COG5: variants seen among roughly 807,000 people sequenced by gnomAD.
COG5 encodes the protein conserved oligomeric Golgi complex subunit 5.
In COG5, 86 loss-of-function variants were observed where a neutral mutation model predicts 110.4. That is an observed-to-expected ratio of 0.78 (90% confidence interval 0.65 to 0.93). The LOEUF (loss-of-function observed/expected upper bound fraction) is 0.93, where lower values mean the gene tolerates loss of function less well. Among genes scored for constraint, COG5 ranks in the 40% least tolerant of loss-of-function variants. COG5 has a pLI of 0.00. For missense variants in COG5, 1,077 were observed against 987.0 expected, an observed-to-expected ratio of 1.09 and a Z score of -1.22; for synonymous variants, 360 against 334.6, an observed-to-expected ratio of 1.08 and a Z score of -0.83.
intron 7 of COG5, among the ~76,000 whole-genome samples, chr7:107,404,997 T>G (rs1180266927): frequency 6.6e-6 from 1 of 151,776 alleles, no homozygotes; most frequent in Admixed American, 6.6e-5. Context: ...AAAAAATTTA[T>G]GCTATAAAAA....
intron 17 of COG5, among the ~76,000 whole-genome samples, chr7:107,242,608 T>G (rs1801731273): frequency 6.6e-6 from 1 of 152,204 alleles, no homozygotes; most frequent in Non-Finnish European, 1.5e-5. Flanking sequence ...ACCCCTGGAT[T>G]AATGAAGGAG....
intron 6 of COG5, among the ~76,000 whole-genome samples, chr7:107,479,731 A>C (rs1036765205): frequency 6.6e-6 from 1 of 152,186 alleles, no homozygotes; most frequent in Non-Finnish European, 1.5e-5. Context: ...CGGAAAACTC[A>C]ATGAAGTAAA....
At chr7:107,506,113 T>C (rs187619766) in intron 6 of COG5, among the ~76,000 whole-genome samples, 1 of 152,310 alleles carries the variant, frequency 6.6e-6, no homozygotes, top group East Asian at 1.9e-4. Flanking sequence ...TTGGCCAGGG[T>C]AGTAGAGGCA....
At chr7:107,208,978 T>C (rs1798969868) in intron 21 of COG5, 2 of 977,498 alleles carry the variant, frequency 2.0e-6, no homozygotes, top group Non-Finnish European at 2.4e-6. Flanking sequence ...GAAATCCTGA[T>C]AGCAGGCCTA....
intron 6 of COG5, among the ~76,000 whole-genome samples, chr7:107,424,855 G>T (rs1365915381): frequency 1.3e-5 from 2 of 152,050 alleles, no homozygotes; most frequent in African/African-American, 4.8e-5. Context: ...CTTAATTATG[G>T]ATGCTAGAGG....
In COG5 at chr7:107,388,965, T is replaced by C. The variant is rs954884699; in HGVS notation, c.670-16205A>G. On this transcript the variant is annotated intron_variant, in intron 7 of 21. Coordinates refer to ENST00000297135, the MANE Select transcript of COG5 (RefSeq NM_006348.5). ...GATAACTCAGAAGGCTGAAACGAAT[T>C]CTACTCCAGACACAGACACCATTTA... is the stretch of plus-strand genomic sequence containing the variant. Among the ~76,000 whole-genome samples, 9 of 152,138 alleles carry C rather than the reference T, an allele frequency of 5.9e-5. No individual in the cohort carries two copies. The East Asian group carries it at 1.7e-3, about 29-fold the overall frequency.
intron 6 of COG5, among the ~76,000 whole-genome samples, chr7:107,492,002 A>G (rs1319227725): frequency 5.9e-5 from 9 of 152,160 alleles, no homozygotes; most frequent in Admixed American, 3.3e-4. Flanking sequence ...ATATTTTATA[A>G]GCAATATCCC....
At chr7:107,554,609 CTG>C (rs1803164952) in intron 2 of COG5, among the ~76,000 whole-genome samples, 1 of 152,152 alleles carries the variant, frequency 6.6e-6, no homozygotes, top group Non-Finnish European at 1.5e-5. Context: ...ATACCTTAGA[CTG>C]AGTAATTTAC....
intron 6 of COG5, among the ~76,000 whole-genome samples, chr7:107,506,271 G>T (rs1453982174): frequency 6.6e-6 from 1 of 152,190 alleles, no homozygotes; most frequent in Non-Finnish European, 1.5e-5. Flanking sequence ...GTTAACAGTG[G>T]TATTTGTGTT....
intron 11 of COG5, among the ~76,000 whole-genome samples, chr7:107,301,247 T>C (rs532306141): frequency 1.3e-5 from 2 of 152,248 alleles, no homozygotes; most frequent in East Asian, 1.9e-4. Context: ...GCAAAAGAAA[T>C]TGATAAACTG....
chr7:107,372,610 G>T lies in COG5; in HGVS notation c.820C>A (p.Gln274Lys). Residue 274 changes from glutamine to lysine, a missense_variant, in exon 8 of 22, where the codon CAG becomes AAG. By Grantham distance (53) the Gln-to-Lys change is moderately conservative. Coordinates refer to ENST00000297135, the MANE Select transcript of COG5 (RefSeq NM_006348.5). ...LDIKVLTQPSQSAVRGGPGRS... is the reference protein window; with the variant it reads ...LDIKVLTQPSKSAVRGGPGRS... ...ACATCCATACCTCTCACAGCTGACT[G>T]GGAAGGCTGAGTCAAAACTTTTATG... The T allele has an allele frequency of 6.2e-7, 1 of 1,613,426 alleles. No individual in the cohort carries two copies. Among genetic ancestry groups the T allele is most frequent in the Non-Finnish European group, 8.5e-7 (1 of 1,179,710 alleles).
At chr7:107,316,779 T>C (rs1367138230) in intron 11 of COG5, among the ~76,000 whole-genome samples, 1 of 107,654 alleles carries the variant, frequency 9.3e-6, no homozygotes, top group Non-Finnish European at 2.0e-5. Context: ...TTGCAGTCAA[T>C]GGAGATGCAC....
intron 7 of COG5, among the ~76,000 whole-genome samples, chr7:107,397,290 A>G (rs1791085212): frequency 1.3e-5 from 2 of 152,202 alleles, no homozygotes; most frequent in Admixed American, 6.5e-5. Flanking sequence ...GGCTACCGGC[A>G]TGACAGCTAT....
intron 6 of COG5, among the ~76,000 whole-genome samples, chr7:107,446,368 T>C (rs995697241): frequency 6.6e-6 from 1 of 152,178 alleles, no homozygotes; most frequent in African/African-American, 2.4e-5. Flanking sequence ...CCTGGGATTA[T>C]ATATGGCTAA....
intron 19 of COG5, among the ~76,000 whole-genome samples, chr7:107,222,681 C>G (rs1169409978): frequency 2.0e-5 from 3 of 152,138 alleles, no homozygotes; most frequent in African/African-American, 4.8e-5. Context: ...TCCCTGATTC[C>G]AGGTGGAATT....
intron 7 of COG5, among the ~76,000 whole-genome samples, chr7:107,393,730 G>A (rs1450890926): frequency 6.6e-6 from 1 of 152,074 alleles, no homozygotes; most frequent in Non-Finnish European, 1.5e-5. Flanking sequence ...ATCTCAAACA[G>A]ACCAAAACCA....
chr7:107,546,622 A>G (rs1802477400), intron 5 of COG5, among the ~76,000 whole-genome samples: 1 of 151,674 alleles, frequency 6.6e-6, no homozygotes, highest in Non-Finnish European at 1.5e-5. Flanking sequence ...TTTTGAATAG[A>G]TAAATCAAAT....
chr7:107,492,041 G>C (rs1798002082), intron 6 of COG5, among the ~76,000 whole-genome samples: 1 of 151,894 alleles, frequency 6.6e-6, no homozygotes, highest in Non-Finnish European at 1.5e-5. Context: ...TAAATCATCA[G>C]TTAATATTTT....
chr7:107,413,188 T>TC (rs2129067581), intron 6 of COG5, among the ~76,000 whole-genome samples: 1 of 96,856 alleles, frequency 1.0e-5, no homozygotes, highest in East Asian at 4.3e-4. Flanking sequence ...AACTATTCTC[T>TC]TTTTTTTTAA....
Sources: allele counts gnomAD v4.1 joint callset (sites outside exome capture counted in the v4.1 genomes callset), GRCh38; gene constraint gnomAD v4.1.1; transcripts MANE v1.5; gene names NCBI Gene and HGNC (gene_info 2026-07-23, HGNC 2026-07-21).